Variants in NCOA7 observed in about 807,000 individuals in gnomAD.
NCOA7 encodes nuclear receptor coactivator 7.
NCOA7 carries 45 observed loss-of-function variants against 104.3 expected under a neutral mutation model. That is an observed-to-expected ratio of 0.43 (90% CI 0.34 to 0.55). The LOEUF (loss-of-function observed/expected upper bound fraction) is 0.55, where lower values mean the gene tolerates loss of function less well. NCOA7 is among the 20% of genes least tolerant of loss of function. The pLI is 0.02. For missense variants in NCOA7, 1,041 were observed against 1,119.7 expected, an observed-to-expected ratio of 0.93 and a Z score of 1.00; for synonymous variants, 398 against 402.3, an observed-to-expected ratio of 0.99 and a Z score of 0.13.
Position 125,815,390 on chromosome 6 carries a change from A to G in NCOA7, c.36A>G (p.Gln12=). 1 of 1,608,536 alleles carries G rather than the reference A, an allele frequency of 6.2e-7. No individual in the cohort carries two copies. Among genetic ancestry groups the G allele is most frequent in the South Asian group, 1.1e-5 (1 of 89,416 alleles). The change falls in exon 2 of 16, where the codon CAA becomes CAG. Residue 12 remains glutamine, a synonymous_variant. Coordinates refer to ENST00000392477, the MANE Select transcript of NCOA7 (RefSeq NM_181782.5). ...DTKEEKKERK[Q]SYFARLKKKK... ...AGGAAGAGAAGAAGGAACGGAAACA[A>G]AGTTATTTTGCTCGGTAAGCATTCA... is the stretch of plus-strand genomic sequence containing the variant.
chr6:125,794,928 C>T lies in NCOA7; in HGVS notation c.-65+3861C>T, dbSNP rs1019658289. ...TAGCATAACACTCACCAGAGTGAAT[C>T]GACAATCTGACCTTCGCGTCAGTGA... On this transcript the variant is annotated intron_variant, in intron 1 of 15. Transcript: ENST00000392477. 2.0e-5 allele frequency among the ~76,000 whole-genome samples: 3 copies of T among 152,204 alleles called. No individual in the cohort carries two copies. The South Asian group carries it at 6.2e-4, about 32-fold the overall frequency.
At chr6:125,796,552 C>T (rs1188157310) in intron 1 of NCOA7, 1 of 151,854 alleles carries the variant, frequency 6.6e-6, no homozygotes, top group African/African-American at 2.4e-5. Context: ...AATGTAAATA[C>T]TAAGTAGATA....
At chr6:125,912,421 T>G (rs899617950) in intron 10 of NCOA7, among the ~76,000 whole-genome samples, 6 of 152,202 alleles carry the variant, frequency 3.9e-5, no homozygotes, top group Non-Finnish European at 7.3e-5. Flanking sequence ...ATATGTATAT[T>G]TACTCGTTTT....
At chr6:125,830,569 A>G (rs1464142081) in intron 2 of NCOA7, among the ~76,000 whole-genome samples, 1 of 152,108 alleles carries the variant, frequency 6.6e-6, no homozygotes, top group Non-Finnish European at 1.5e-5. Flanking sequence ...GAGTGCCTGT[A>G]GTCCCAGTTA....
In NCOA7 at chr6:125,930,082, G is replaced by A. The variant is rs1788374705; in HGVS notation, c.*1311G>A. On this transcript the variant is annotated 3_prime_UTR_variant, in exon 16 of 16. Transcript: ENST00000392477. ...TCTATTACATAAAATAAAGGTCCAG[G>A]CATAGTGGCTCTTGCCTGTAATCCC... 1 of 152,154 alleles carries A rather than the reference G, an allele frequency of 6.6e-6. No homozygotes were observed. The highest frequency in any genetic ancestry group is 1.5e-5 in the Non-Finnish European group (1 of 68,030). The allele number at this position is 152,154 out of a possible 1,614,324, so 9.4% of individuals were successfully genotyped here. A position where few individuals can be genotyped will look rare whatever the true frequency, so the allele number is the denominator to read the frequency against.
At chr6:125,802,369 C>T (rs970244518) in intron 1 of NCOA7, 6 of 152,100 alleles carry the variant, frequency 3.9e-5, no homozygotes, top group South Asian at 4.1e-4. Flanking sequence ...CTGGCCTTGG[C>T]AAAGGTTAAG....
rs150975458 is a variant in NCOA7 at position 125,876,781 on chromosome 6, C to A, written c.352-1482C>A. Among the ~76,000 whole-genome samples, 1,083 of 152,132 alleles carry A rather than the reference C, an allele frequency of 7.1e-3. 9 individuals are homozygous for A. Among genetic ancestry groups the A allele is most frequent in the Non-Finnish European group, 0.011 (766 of 68,006 alleles). On this transcript the variant is annotated intron_variant, in intron 4 of 15. Transcript: ENST00000392477. ...CTCATATAATTTTGTGTTTAAAGAG[C>A]CTGCTAGCACTTACCCGATTGCTTT... is the stretch of plus-strand genomic sequence containing the variant.
At chr6:125,878,216 A>T (rs746279306) in intron 4 of NCOA7, 47 bp from the exon 5 acceptor site, 7 of 1,324,288 alleles carry the variant, frequency 5.3e-6, no homozygotes, top group Admixed American at 2.3e-5. Context: ...ATCAAAAGTA[A>T]TTTTTTTTGC....
At chr6:125,885,083 G>A (rs1554276463) in intron 7 of NCOA7, 76 bp from the exon 8 acceptor site, 1 of 1,495,920 alleles carries the variant, frequency 6.7e-7, no homozygotes, top group Non-Finnish European at 9.2e-7. Flanking sequence ...GGCCATCTGA[G>A]TTAATTAAAG....
chr6:125,851,243 G>GT (rs1305682163), intron 2 of NCOA7, among the ~76,000 whole-genome samples: 2 of 152,016 alleles, frequency 1.3e-5, no homozygotes, highest in East Asian at 1.9e-4. Flanking sequence ...CCAATATGTA[G>GT]TTTTTTATCC....
At chr6:125,920,339 A>T (rs1430440612) in intron 11 of NCOA7, among the ~76,000 whole-genome samples, 1 of 152,192 alleles carries the variant, frequency 6.6e-6, no homozygotes, top group East Asian at 1.9e-4. Flanking sequence ...AACATCAGGA[A>T]CCTGATTAAA....
chr6:125,882,428 T>C lies in NCOA7; in HGVS notation c.576T>C (p.Asp192=), dbSNP rs1283249331. The C allele has an allele frequency of 1.2e-6, 2 of 1,612,350 alleles. No homozygotes were observed. Among genetic ancestry groups the C allele is most frequent in the Admixed American group, 1.7e-5 (1 of 59,492 alleles). Residue 192 remains aspartate, a splice_region_variant and synonymous_variant, in exon 7 of 16, where the codon GAT becomes GAC. Coordinates refer to ENST00000392477, the MANE Select transcript of NCOA7 (RefSeq NM_181782.5). ...TTGAAATTTTTTGCTTTCACAAGGA[T>C]GCTGACTTAGCACGAAAGGCCTTGA... ...SSDAEYDKLP[D]ADLARKALKP...
chr6:125,892,441 C>T (rs531810144), intron 10 of NCOA7, among the ~76,000 whole-genome samples: 3 of 152,108 alleles, frequency 2.0e-5, no homozygotes, highest in Admixed American at 2.0e-4. Context: ...GAGGCCGAGG[C>T]GGGTGAATCA....
At position 125,928,873 on chromosome 6, in the gene NCOA7, AC is replaced by A; in HGVS notation, c.*106del. On this transcript the variant is annotated 3_prime_UTR_variant, in exon 16 of 16. Coordinates refer to ENST00000392477, the MANE Select transcript of NCOA7 (RefSeq NM_181782.5). ...GCCCCAGCCCAGCCTGCCTCATCCCACCCCAATGCTTCCTTTCTGCCATCAT... is the reference window on the plus strand; with the variant it reads ...GCCCCAGCCCAGCCTGCCTCATCCCACCCAATGCTTCCTTTCTGCCATCAT... The A allele has an allele frequency of 8.0e-7, 1 of 1,255,928 alleles. No individual in the cohort carries two copies. The highest frequency in any genetic ancestry group is 1.1e-6 in the Non-Finnish European group (1 of 917,090). 77.8% of individuals were successfully genotyped at this position (1,255,928 alleles called of 1,614,324 possible). A position where few individuals can be genotyped will look rare whatever the true frequency, so the allele number is the denominator to read the frequency against.
chr6:125,927,427 A>G (rs1788129551), intron 13 of NCOA7, among the ~76,000 whole-genome samples: 1 of 152,204 alleles, frequency 6.6e-6, no homozygotes, highest in African/African-American at 2.4e-5. Flanking sequence ...CAAGTTGTCT[A>G]AGCTTTGTCA....
chr6:125,831,995 A>T (rs1476236506), intron 2 of NCOA7, among the ~76,000 whole-genome samples: 1 of 152,164 alleles, frequency 6.6e-6, no homozygotes, highest in Non-Finnish European at 1.5e-5. Context: ...CCACAGACTC[A>T]TTTGTGATGG....
intron 2 of NCOA7, among the ~76,000 whole-genome samples, chr6:125,831,666 TA>T (rs71024738): frequency 0.014 from 2,198 of 152,280 alleles, 26 homozygotes; most frequent in African/African-American, 0.032. Context: ...TTGCTAAAGC[TA>T]AAAATAGGAT....
chr6:125,927,980 T>C (rs2128703905), intron 14 of NCOA7, among the ~76,000 whole-genome samples, 194 bp from the exon 15 acceptor site: 1 of 152,350 alleles, frequency 6.6e-6, no homozygotes, highest in Admixed American at 6.5e-5. Flanking sequence ...CCACCACGTG[T>C]CTGAAAGGTC....
chr6:125,883,079 T>C (rs1389743615), intron 7 of NCOA7, among the ~76,000 whole-genome samples: 1 of 152,240 alleles, frequency 6.6e-6, no homozygotes, highest in African/African-American at 2.4e-5. Context: ...GTTGATGATA[T>C]TGGTATTAAT....
Sources: allele counts gnomAD v4.1 joint callset (sites outside exome capture counted in the v4.1 genomes callset), GRCh38; gene constraint gnomAD v4.1.1; transcripts MANE v1.5; gene names NCBI Gene and HGNC (gene_info 2026-07-23, HGNC 2026-07-21).